The following SEMA3D variants were observed in gnomAD, a reference collection of about 807,000 sequenced individuals.
SEMA3D encodes semaphorin 3D, also known as semaphorin-3D.
SEMA3D carries 84 observed loss-of-function variants against 100.1 expected under a neutral mutation model. That is an observed-to-expected ratio of 0.84 (90% CI 0.70 to 1.01). The LOEUF is 1.01. Ranked by LOEUF, SEMA3D falls within the 50% of genes least tolerant of loss-of-function variation. The pLI is 0.00. For missense variants in SEMA3D, 875 were observed against 934.1 expected (o/e 0.94, Z 0.82); for synonymous variants, 312 against 320.7 (o/e 0.97, Z 0.29).
chr7:85,077,545 A>C (rs1352336732), intron 5 of SEMA3D, among the ~76,000 whole-genome samples: 1 of 152,196 alleles, frequency 6.6e-6, no homozygotes, highest in East Asian at 1.9e-4. Flanking sequence ...CTATTTAAAA[A>C]TTATATTTTG....
At chr7:85,056,450 T>A (rs1791319867) in intron 8 of SEMA3D, among the ~76,000 whole-genome samples, 3 of 151,946 alleles carry the variant, frequency 2.0e-5, no homozygotes, top group African/African-American at 7.2e-5. Context: ...TCATATGTAA[T>A]ATAAGACTAC....
chr7:85,118,237 C>A (rs1320704119), intron 3 of SEMA3D, among the ~76,000 whole-genome samples: 1 of 152,066 alleles, frequency 6.6e-6, no homozygotes, highest in African/African-American at 2.4e-5. Context: ...GATTCCATAT[C>A]TGCTTATTCC....
chr7:85,020,228 C>A lies in SEMA3D; in HGVS notation c.1503+5G>T. 1 of 1,597,658 alleles carries A rather than the reference C, an allele frequency of 6.3e-7. No individual in the cohort carries two copies. Among genetic ancestry groups the A allele is most frequent in the Non-Finnish European group, 8.6e-7 (1 of 1,166,158 alleles). On this transcript the variant is annotated splice_donor_5th_base_variant and intron_variant, in intron 14 of 18. Transcript: ENST00000284136. Reference sequence around the variant, plus strand: ...TTTCTCCTGGCACTCTGGACTGAGTCTTACCTTGAATATCTGCAACTCCTC... The same window carrying A: ...TTTCTCCTGGCACTCTGGACTGAGTATTACCTTGAATATCTGCAACTCCTC...
the SEMA3D span, among the ~76,000 whole-genome samples, chr7:85,199,697 CTTTTG>C: frequency 1.5e-3 from 234 of 152,224 alleles, no homozygotes; most frequent in African/African-American, 5.5e-3. Flanking sequence ...AAATGTTTAT[CTTTTG>C]TTTTATCCTT....
chr7:85,068,440 A>G (rs1791686104), intron 6 of SEMA3D, among the ~76,000 whole-genome samples, 156 bp from the exon 7 acceptor site: 1 of 152,152 alleles, frequency 6.6e-6, no homozygotes. Context: ...TTTTTAGCAA[A>G]TATATCTGGC....
chr7:85,103,853 G>A (rs950112770), intron 3 of SEMA3D, among the ~76,000 whole-genome samples: 1 of 151,864 alleles, frequency 6.6e-6, no homozygotes, highest in Non-Finnish European at 1.5e-5. Context: ...AATTTTGATG[G>A]ATGGATGACA....
chr7:85,028,167 C>T (rs1362265050), intron 12 of SEMA3D: 2 of 637,554 alleles, frequency 3.1e-6, no homozygotes, highest in East Asian at 5.9e-5. Context: ...CAAAAAGCTG[C>T]TACCCATAGG....
chr7:85,066,913 C>CATACACACAGAGAGAGAGAGAGAGAG, intron 7 of SEMA3D, among the ~76,000 whole-genome samples: 2 of 127,760 alleles, frequency 1.6e-5, no homozygotes, highest in African/African-American at 3.2e-5. Flanking sequence ...CACACACACA[C>CATACACACAGAGAGAGAGAGAGAGAG]AGAGAGAGAG....
At chr7:85,013,735 A>G (rs1338677995) in intron 16 of SEMA3D, among the ~76,000 whole-genome samples, 1 of 151,816 alleles carries the variant, frequency 6.6e-6, no homozygotes, top group Non-Finnish European at 1.5e-5. Flanking sequence ...ATGTTAGGTA[A>G]GGGAAAACAT....
chr7:85,216,541 C>T, the SEMA3D span, among the ~76,000 whole-genome samples: 4 of 151,798 alleles, frequency 2.6e-5, no homozygotes, highest in Non-Finnish European at 5.9e-5. Flanking sequence ...TGAAATTAAA[C>T]TGGCTTTTTT....
intron 12 of SEMA3D, among the ~76,000 whole-genome samples, chr7:85,024,482 A>G (rs1297370938): frequency 6.6e-6 from 1 of 152,040 alleles, no homozygotes; most frequent in Non-Finnish European, 1.5e-5. Context: ...AAGAAAGTAT[A>G]GCTGAATGAA....
intron 12 of SEMA3D, among the ~76,000 whole-genome samples, chr7:85,033,858 T>TACACAC (rs71082183): frequency 0.1 from 14,753 of 141,064 alleles, 868 homozygotes; most frequent in African/African-American, 0.16. Context: ...ATCACACACA[T>TACACAC]ACACACACAC....
chr7:85,040,279 G>A (rs1469965787), intron 11 of SEMA3D, among the ~76,000 whole-genome samples: 1 of 151,890 alleles, frequency 6.6e-6, no homozygotes, highest in African/African-American at 2.4e-5. Flanking sequence ...AGCCCAGCCT[G>A]CATATGCCTT....
At chr7:85,179,208 A>C (rs560021451) in intron 1 of SEMA3D, among the ~76,000 whole-genome samples, 89 of 152,258 alleles carry the variant, frequency 5.8e-4, no homozygotes, top group African/African-American at 2.0e-3. Flanking sequence ...CTGTAGGGGC[A>C]CTGCATAGTG....
At chr7:85,139,345 G>C (rs1196146338) in intron 2 of SEMA3D, among the ~76,000 whole-genome samples, 1 of 152,046 alleles carries the variant, frequency 6.6e-6, no homozygotes, top group Non-Finnish European at 1.5e-5. Context: ...CTGATTATTA[G>C]ATTTAAACAG....
the SEMA3D span, among the ~76,000 whole-genome samples, chr7:85,194,532 T>C: frequency 1.3e-5 from 2 of 152,148 alleles, no homozygotes; most frequent in Non-Finnish European, 2.9e-5. Flanking sequence ...TGTTTTCAGG[T>C]AAACTCAGTC....
intron 2 of SEMA3D, among the ~76,000 whole-genome samples, chr7:85,150,022 C>A (rs1790322326): frequency 6.6e-6 from 1 of 152,010 alleles, no homozygotes; most frequent in South Asian, 2.1e-4. Context: ...CCTCATGGAA[C>A]AGGTACTAAG....
chr7:85,143,542 C>G (rs1790114691), intron 2 of SEMA3D, among the ~76,000 whole-genome samples: 1 of 151,986 alleles, frequency 6.6e-6, no homozygotes, highest in African/African-American at 2.4e-5. Context: ...TTAAACTTAT[C>G]TAAACATAGA....
At chr7:85,224,020 T>G in the SEMA3D span, among the ~76,000 whole-genome samples, 2 of 152,178 alleles carry the variant, frequency 1.3e-5, no homozygotes, top group African/African-American at 2.4e-5. Flanking sequence ...TTATTATATG[T>G]TGTCACATGG....
Sources: allele counts gnomAD v4.1 joint callset (sites outside exome capture counted in the v4.1 genomes callset), GRCh38; gene constraint gnomAD v4.1.1; transcripts MANE v1.5; gene names NCBI Gene and HGNC (gene_info 2026-07-23, HGNC 2026-07-21).